The following DPF3 variants were observed in gnomAD, a reference collection of about 807,000 sequenced individuals.
The protein encoded by DPF3 is double PHD fingers 3, also known as zinc finger protein DPF3.
Under a neutral mutation model 56.8 loss-of-function variants are expected in DPF3, and 18 were observed. The observed-to-expected ratio is 0.32, with a 90% CI of 0.22 to 0.47. The LOEUF (loss-of-function observed/expected upper bound fraction) is 0.47, where lower values mean the gene tolerates loss of function less well. Among genes scored for constraint, DPF3 ranks in the 20% least tolerant of loss-of-function variants. The probability of loss-of-function intolerance (pLI) is 1.00; values close to 1 mark genes in which losing one functional copy is unlikely to be tolerated. For synonymous variants in DPF3, 188 were observed against 180.2 expected (o/e 1.04, Z -0.35); for missense variants, 403 against 488.8 (o/e 0.82, Z 1.65).
chr14:72,691,902 A>C (rs1299275748), intron 7 of DPF3, among the ~76,000 whole-genome samples: 2 of 152,060 alleles, frequency 1.3e-5, no homozygotes, highest in African/African-American at 4.8e-5. Context: ...AACTGTGAGA[A>C]AATTAATTTC....
intron 5 of DPF3, among the ~76,000 whole-genome samples, chr14:72,717,533 T>A (rs17119980): frequency 0.29 from 44,324 of 152,108 alleles, 7,031 homozygotes; most frequent in East Asian, 0.46. Flanking sequence ...AATGGTATCA[T>A]GGGTATTAGC....
intron 8 of DPF3, chr14:72,671,563 A>G (rs1189725400): frequency 5.5e-6 from 4 of 724,022 alleles, no homozygotes; most frequent in Admixed American, 1.8e-5. Flanking sequence ...CATCTCTACC[A>G]TAGTACATAT....
At chr14:72,795,949 G>A (rs1892630118) in intron 1 of DPF3, among the ~76,000 whole-genome samples, 1 of 152,182 alleles carries the variant, frequency 6.6e-6, no homozygotes, top group Non-Finnish European at 1.5e-5. Context: ...ATAAATTTGA[G>A]CTATAGCTTA....
chr14:72,660,802 G>A (rs752564638), intron 8 of DPF3, among the ~76,000 whole-genome samples: 25 of 152,186 alleles, frequency 1.6e-4, no homozygotes, highest in Non-Finnish European at 3.1e-4. Context: ...CAGCAACCCT[G>A]GCTCAGAGAA....
At chr14:72,702,384 A>G (rs1372202236) in intron 6 of DPF3, among the ~76,000 whole-genome samples, 1 of 151,944 alleles carries the variant, frequency 6.6e-6, no homozygotes, top group Non-Finnish European at 1.5e-5. Flanking sequence ...GGCTCTGGGA[A>G]CCCCATGTCT....
At chr14:72,756,883 AGG>A (rs1442307983) in intron 2 of DPF3, among the ~76,000 whole-genome samples, 2,203 of 124,922 alleles carry the variant, frequency 0.018, 10 homozygotes, top group Non-Finnish European at 0.028. Context: ...GAAGGAAAGA[AGG>A]AAAGAAAGAA....
intron 1 of DPF3, among the ~76,000 whole-genome samples, chr14:72,798,250 A>T (rs1221946122): frequency 1.1e-5 from 1 of 87,006 alleles, no homozygotes; most frequent in Non-Finnish European, 2.1e-5. Context: ...GCTAGCCTTC[A>T]TCTCAAAAAA....
intron 1 of DPF3, among the ~76,000 whole-genome samples, chr14:72,891,948 C>G (rs1045037772): frequency 2.0e-5 from 3 of 152,210 alleles, no homozygotes; most frequent in Non-Finnish European, 4.4e-5. Flanking sequence ...CAGAATTCCG[C>G]CACCTTCTTT....
At chr14:72,838,292 G>A (rs752086354) in intron 1 of DPF3, among the ~76,000 whole-genome samples, 4 of 152,082 alleles carry the variant, frequency 2.6e-5, no homozygotes, top group Non-Finnish European at 1.5e-5. Flanking sequence ...TCAGGAGTTC[G>A]AGACCAGCCT....
At chr14:72,740,195 G>A (rs555701531) in intron 3 of DPF3, among the ~76,000 whole-genome samples, 1 of 152,320 alleles carries the variant, frequency 6.6e-6, no homozygotes, top group African/African-American at 2.4e-5. Flanking sequence ...AGACCAGCTT[G>A]GGGAGCTACA....
intron 8 of DPF3, among the ~76,000 whole-genome samples, chr14:72,648,359 C>A (rs984226852): frequency 6.6e-6 from 1 of 152,162 alleles, no homozygotes; most frequent in South Asian, 2.1e-4. Context: ...GTCAGGAGTT[C>A]GAGACCAGCT....
rs573847146 is a variant in DPF3, at chr14:72,755,784, CACA to C, written c.194-2416_194-2414del. On this transcript the variant is annotated intron_variant, in intron 2 of 10. Coordinates refer to ENST00000556509, the MANE Select transcript of DPF3 (RefSeq NM_001280542.3). ...GATGTCTGCTTTGAATCCACCTCATCACAACAAGCAAATGGTCGCAAGAGCTCT... is the reference window on the plus strand; with the variant it reads ...GATGTCTGCTTTGAATCCACCTCATCACAAGCAAATGGTCGCAAGAGCTCT... Among the ~76,000 whole-genome samples, 756 of 152,280 alleles carry C rather than the reference CACA, an allele frequency of 5.0e-3. 4 individuals carry two copies. The highest frequency in any genetic ancestry group is 0.027 in the Middle Eastern group (8 of 294).
At chr14:72,724,978 T>C (rs540177927) in intron 4 of DPF3, among the ~76,000 whole-genome samples, 22 of 152,200 alleles carry the variant, frequency 1.4e-4, no homozygotes, top group African/African-American at 4.8e-4. Context: ...AGTGCTAGGA[T>C]TACAGGCATA....
At chr14:72,645,563 A>G (rs1461177005) in intron 8 of DPF3, among the ~76,000 whole-genome samples, 1 of 152,094 alleles carries the variant, frequency 6.6e-6, no homozygotes, top group Admixed American at 6.5e-5. Context: ...AATGATGGCT[A>G]ATATTTTTTC....
intron 6 of DPF3, among the ~76,000 whole-genome samples, chr14:72,699,959 T>G (rs1475985013): frequency 6.6e-6 from 1 of 151,886 alleles, no homozygotes; most frequent in Non-Finnish European, 1.5e-5. Flanking sequence ...AGAGGGAGGT[T>G]GGTGGGTGGA....
At chr14:72,760,322 T>C (rs560896635) in intron 2 of DPF3, among the ~76,000 whole-genome samples, 2 of 152,182 alleles carry the variant, frequency 1.3e-5, no homozygotes, top group South Asian at 4.2e-4. Context: ...AATACAAAAA[T>C]TAGCCAGGCA....
At chr14:72,803,324 G>A (rs1418853723) in intron 1 of DPF3, among the ~76,000 whole-genome samples, 4 of 152,180 alleles carry the variant, frequency 2.6e-5, no homozygotes, top group African/African-American at 9.7e-5. Context: ...ATGGTTCTTA[G>A]TCAAAAAAGC....
chr14:72,844,790 A>G (rs184872612), intron 1 of DPF3, among the ~76,000 whole-genome samples: 15 of 152,334 alleles, frequency 9.8e-5, no homozygotes, highest in Admixed American at 3.3e-4. Flanking sequence ...CTTGGTGCAC[A>G]TATAATCTAG....
At chr14:72,649,660 T>TGGA (rs1555491966) in intron 8 of DPF3, among the ~76,000 whole-genome samples, 1 of 61,086 alleles carries the variant, frequency 1.6e-5, no homozygotes, top group Non-Finnish European at 3.7e-5. Context: ...CATCCCTGGG[T>TGGA]GGGGGGGGGG....
Sources: gnomAD v4.1 joint callset for allele counts (sites outside exome capture counted in the v4.1 genomes callset) on GRCh38, gnomAD v4.1.1 for gene constraint, MANE v1.5 for transcripts, NCBI Gene and HGNC (gene_info 2026-07-23, HGNC 2026-07-21) for gene names.